The following GRID1 variants were observed in gnomAD, a reference collection of about 807,000 sequenced individuals.
GRID1 encodes the protein glutamate ionotropic receptor delta type subunit 1.
GRID1 carries 28 observed loss-of-function variants against 98.0 expected under a neutral mutation model. That is an observed-to-expected ratio of 0.29 (90% CI 0.21 to 0.39). The LOEUF is 0.39. Ranked by LOEUF, GRID1 falls within the 10% of genes least tolerant of loss-of-function variation. GRID1 has a pLI of 1.00. For synonymous variants in GRID1, 553 were observed against 538.5 expected, an observed-to-expected ratio of 1.03 and a Z score of -0.37; for missense variants, 1,111 against 1,340.5, an observed-to-expected ratio of 0.83 and a Z score of 2.67.
chr10:85,977,946 T>C (rs547812686), intron 4 of GRID1, among the ~76,000 whole-genome samples: 1 of 152,266 alleles, frequency 6.6e-6, no homozygotes, highest in East Asian at 1.9e-4. Context: ...GCAGCTGTGA[T>C]CACAGACGCC....
rs1336154083 is a variant in GRID1, at chr10:85,599,924, C to CACACAA, written c.*2348_*2349insTTGTGT. ...TCTCTCTCTCTCTCTCTCTCTCACA[C>CACACAA]ACACACACACACACAAACACACACA... On this transcript the variant is annotated 3_prime_UTR_variant, in exon 16 of 16. Coordinates refer to ENST00000327946, the MANE Select transcript of GRID1 (RefSeq NM_017551.3). The CACACAA allele has an allele frequency of 6.7e-6, 1 of 148,772 alleles. No individual in the cohort carries two copies. Among genetic ancestry groups the CACACAA allele is most frequent in the Non-Finnish European group, 1.5e-5 (1 of 67,346 alleles). 9.2% of individuals were successfully genotyped at this position (148,772 alleles called of 1,614,324 possible).
intron 13 of GRID1, among the ~76,000 whole-genome samples, chr10:85,625,018 T>C (rs560657996): frequency 6.6e-6 from 1 of 152,272 alleles, no homozygotes; most frequent in South Asian, 2.1e-4. Context: ...TAGACATATA[T>C]ATGAATACTT....
At chr10:86,309,293 A>T (rs1847801040) in intron 2 of GRID1, among the ~76,000 whole-genome samples, 3 of 152,232 alleles carry the variant, frequency 2.0e-5, no homozygotes, top group African/African-American at 7.2e-5. Flanking sequence ...TCGGTCATCC[A>T]TTAAGGGCCC....
intron 2 of GRID1, among the ~76,000 whole-genome samples, chr10:86,307,017 C>T (rs1026725800): frequency 1.3e-5 from 2 of 152,092 alleles, no homozygotes; most frequent in South Asian, 4.1e-4. Context: ...CAAAAATTAC[C>T]TTGTGTCCCC....
intron 8 of GRID1, among the ~76,000 whole-genome samples, chr10:85,772,296 G>A (rs910082937): frequency 1.3e-4 from 20 of 151,724 alleles, no homozygotes; most frequent in African/African-American, 4.6e-4. Context: ...CACAACATAC[G>A]AGAATCTCTG....
At chr10:86,011,075 T>G (rs1429369530) in intron 4 of GRID1, among the ~76,000 whole-genome samples, 3 of 152,096 alleles carry the variant, frequency 2.0e-5, no homozygotes, top group Admixed American at 2.0e-4. Flanking sequence ...GGATGAAGAA[T>G]AGAGATGGTC....
chr10:86,313,532 G>A (rs564755151), intron 2 of GRID1, among the ~76,000 whole-genome samples: 1 of 152,340 alleles, frequency 6.6e-6, no homozygotes, highest in East Asian at 1.9e-4. Flanking sequence ...AACTTGAAGT[G>A]TGGCACAGGG....
intron 2 of GRID1, among the ~76,000 whole-genome samples, chr10:86,305,278 G>C (rs1431811204): frequency 2.0e-5 from 3 of 152,142 alleles, no homozygotes; most frequent in African/African-American, 7.2e-5. Flanking sequence ...CTTGGGGGAA[G>C]CCCTCCCTCA....
intron 2 of GRID1, among the ~76,000 whole-genome samples, chr10:86,321,551 G>T (rs190398351): frequency 2.6e-5 from 4 of 152,156 alleles, no homozygotes; most frequent in African/African-American, 9.7e-5. Flanking sequence ...TGATGGGTTC[G>T]GATTGGAAAT....
chr10:86,191,251 A>G (rs888494931), intron 3 of GRID1, among the ~76,000 whole-genome samples: 1 of 152,124 alleles, frequency 6.6e-6, no homozygotes, highest in African/African-American at 2.4e-5. Flanking sequence ...CAGAGAAGGG[A>G]CAGCCCACCT....
At chr10:85,755,328 T>G (rs1432789331) in intron 8 of GRID1, among the ~76,000 whole-genome samples, 1 of 152,228 alleles carries the variant, frequency 6.6e-6, no homozygotes, top group Non-Finnish European at 1.5e-5. Flanking sequence ...GGAAGATCAA[T>G]AGGTCCTGGG....
At chr10:86,124,995 C>A (rs570717760) in intron 4 of GRID1, among the ~76,000 whole-genome samples, 4 of 152,196 alleles carry the variant, frequency 2.6e-5, no homozygotes, top group East Asian at 1.9e-4. Flanking sequence ...CTTCAGGGAG[C>A]AATCATAAGA....
intron 2 of GRID1, among the ~76,000 whole-genome samples, chr10:86,234,818 A>C (rs1846510529): frequency 6.6e-6 from 1 of 152,172 alleles, no homozygotes; most frequent in South Asian, 2.1e-4. Context: ...AAAATACAGC[A>C]GGCATACTGG....
At chr10:85,970,141 A>T (rs1842388203) in intron 4 of GRID1, among the ~76,000 whole-genome samples, 1 of 152,102 alleles carries the variant, frequency 6.6e-6, no homozygotes, top group African/African-American at 2.4e-5. Context: ...TCCTGAATAT[A>T]CCTATAACAA....
intron 12 of GRID1, among the ~76,000 whole-genome samples, chr10:85,704,388 G>A (rs1458246532): frequency 1.3e-5 from 2 of 152,124 alleles, no homozygotes; most frequent in African/African-American, 4.8e-5. Context: ...TTACATAATG[G>A]TAAAGGGATC....
chr10:85,713,742 G>T (rs943662642), intron 12 of GRID1, among the ~76,000 whole-genome samples: 2 of 151,078 alleles, frequency 1.3e-5, no homozygotes, highest in African/African-American at 4.9e-5. Context: ...ACAAAATGAG[G>T]GAAACAAATT....
At chr10:86,257,127 G>A (rs540763758) in intron 2 of GRID1, among the ~76,000 whole-genome samples, 8 of 152,320 alleles carry the variant, frequency 5.3e-5, no homozygotes, top group African/African-American at 1.9e-4. Flanking sequence ...ACTGACTAAA[G>A]CACCTCAAGA....
At chr10:85,669,887 A>T (rs1841065526) in intron 12 of GRID1, among the ~76,000 whole-genome samples, 1 of 152,180 alleles carries the variant, frequency 6.6e-6, no homozygotes, top group South Asian at 2.1e-4. Context: ...GGGAAAGTAG[A>T]CTGCTCTGGC....
chr10:85,728,192 T>C (rs1406347664), intron 9 of GRID1, 140 bp from the exon 10 acceptor site: 13 of 676,770 alleles, frequency 1.9e-5, no homozygotes, highest in Non-Finnish European at 3.4e-5. Flanking sequence ...CTTCTCTGCC[T>C]TTTTCTAAAA....
Sources: allele counts gnomAD v4.1 joint callset (sites outside exome capture counted in the v4.1 genomes callset), GRCh38; gene constraint gnomAD v4.1.1; transcripts MANE v1.5; gene names NCBI Gene and HGNC (gene_info 2026-07-23, HGNC 2026-07-21).